KIRREL3: variants seen among roughly 807,000 people sequenced by gnomAD.
The protein encoded by KIRREL3 is kin of IRRE-like protein 3.
In KIRREL3, 36 loss-of-function variants were observed where a neutral mutation model predicts 89.7. That is an observed-to-expected ratio of 0.40 (90% CI 0.31 to 0.53). The LOEUF is 0.53. Ranked by LOEUF, KIRREL3 falls within the 20% of genes least tolerant of loss-of-function variation. The pLI is 0.49. For synonymous variants in KIRREL3, 445 were observed against 441.4 expected (o/e 1.01, Z -0.10); for missense variants, 864 against 1,056.6 (o/e 0.82, Z 2.53).
At chr11:126,875,557 C>A (rs1945254267) in intron 1 of KIRREL3, among the ~76,000 whole-genome samples, 1 of 152,166 alleles carries the variant, frequency 6.6e-6, no homozygotes, top group South Asian at 2.1e-4. Context: ...TAGAGGTGAG[C>A]AAGGCAGAGG....
In KIRREL3 at chr11:126,878,099, T is replaced by C. The variant is rs528170298; in HGVS notation, c.55+122356A>G. On this transcript the variant is annotated intron_variant, in intron 1 of 16. Transcript: ENST00000525144. ...TTTCATTCACAGAGAGATAGGCAGG[T>C]AGGTACGTTGATGGAAGACAGATAA... 3.9e-5 allele frequency among the ~76,000 whole-genome samples: 6 copies of C among 152,316 alleles called. No homozygotes were observed. In the South Asian group the frequency reaches 6.2e-4, roughly 16 times the overall value.
intron 1 of KIRREL3, among the ~76,000 whole-genome samples, chr11:126,670,708 C>T (rs1945900488): frequency 6.6e-6 from 1 of 152,120 alleles, no homozygotes; most frequent in Admixed American, 6.5e-5. Flanking sequence ...TTAGCTTTTA[C>T]TGAATGGAAT....
At chr11:126,809,703 G>C (rs1000172114) in intron 1 of KIRREL3, among the ~76,000 whole-genome samples, 3 of 152,194 alleles carry the variant, frequency 2.0e-5, no homozygotes, top group Non-Finnish European at 4.4e-5. Flanking sequence ...CAGTGCCTAA[G>C]GCCCCGCCCT....
rs1387682711 is a variant in KIRREL3, at chr11:126,647,783, C to T, written c.56-84871G>A. 6.6e-6 allele frequency among the ~76,000 whole-genome samples: 1 copy of T among 152,196 alleles called. No homozygotes were observed. The highest frequency in any genetic ancestry group is 2.4e-5 in the African/African-American group (1 of 41,460). On this transcript the variant is annotated intron_variant, in intron 1 of 16. Transcript: ENST00000525144. The surrounding 1 kb of genome is among the most constrained non-coding windows in gnomAD (Gnocchi z 4.9). ...GCAGTCTGAGTAGTGCTTTTAAAAA[C>T]CTAAGTCAGAGGGAGCCGTTCCTTT...
In KIRREL3 at chr11:126,521,313, A is replaced by C. The variant is rs1958579019; in HGVS notation, c.433+2T>G. On this transcript the variant is annotated splice_donor_variant, in intron 4 of 16. Coordinates refer to ENST00000525144, the MANE Select transcript of KIRREL3 (RefSeq NM_032531.4). LOFTEE classifies it high-confidence loss of function. The surrounding 1 kb of genome is among the most constrained non-coding windows in gnomAD (Gnocchi z 4.1). ...CCAGCCCCGTGTGCAGATGGTTCTTACCCAGGACTGTGAGGCGTGCGGGGC... is the reference window on the plus strand; with the variant it reads ...CCAGCCCCGTGTGCAGATGGTTCTTCCCCAGGACTGTGAGGCGTGCGGGGC... 1 of 1,541,884 alleles carries C rather than the reference A, an allele frequency of 6.5e-7. No homozygotes were observed.
intron 1 of KIRREL3, among the ~76,000 whole-genome samples, chr11:126,992,920 A>G (rs760337191): frequency 1.3e-5 from 2 of 151,976 alleles, no homozygotes; most frequent in Non-Finnish European, 2.9e-5. Context: ...TCTCTTCCAC[A>G]TTCTTTAGCT....
chr11:126,457,498 CGTGT>C (rs1034066170), intron 6 of KIRREL3, among the ~76,000 whole-genome samples: 1 of 142,114 alleles, frequency 7.0e-6, no homozygotes, highest in Non-Finnish European at 1.5e-5. Flanking sequence ...TGTATGTATG[CGTGT>C]GTGTATGTGT....
rs1474447039 is a variant in KIRREL3 at position 126,796,441 on chromosome 11, A to C, written c.55+204014T>G. On this transcript the variant is annotated intron_variant, in intron 1 of 16. Coordinates refer to ENST00000525144, the MANE Select transcript of KIRREL3 (RefSeq NM_032531.4). The surrounding 1 kb of genome is among the most constrained non-coding windows in gnomAD (Gnocchi z 5.1). Reference sequence around the variant, plus strand: ...AGGAAGGCTGAAGGAGGGGACGCGCAGTTGTGGGTAACTGGCCTTCACCTT... The same window carrying C: ...AGGAAGGCTGAAGGAGGGGACGCGCCGTTGTGGGTAACTGGCCTTCACCTT... Among the ~76,000 whole-genome samples the C allele has an allele frequency of 6.6e-6, 1 of 152,142 alleles. No homozygotes were observed. The highest frequency in any genetic ancestry group is 1.5e-5 in the Non-Finnish European group (1 of 68,034).
chr11:126,790,114 T>C lies in KIRREL3; in HGVS notation c.55+210341A>G, dbSNP rs542423541. 1.2e-4 allele frequency among the ~76,000 whole-genome samples: 18 copies of C among 152,336 alleles called. No individual in the cohort carries two copies. In the South Asian group the frequency reaches 3.5e-3, roughly 30 times the overall value. ...GCTCAAGCAGGAAACCTGAGTGTCA[T>C]CCCTAACTCCCCTTACCCACTCTAT... On this transcript the variant is annotated intron_variant, in intron 1 of 16. Transcript: ENST00000525144.
At position 126,919,582 on chromosome 11, in the gene KIRREL3, C is replaced by A. The variant is rs142248239; in HGVS notation, c.55+80873G>T. Among the ~76,000 whole-genome samples, 1,089 of 152,304 alleles carry A rather than the reference C, an allele frequency of 7.2e-3. 19 individuals are homozygous for A. Among genetic ancestry groups the A allele is most frequent in the African/African-American group, 0.024 (1,012 of 41,554 alleles). On this transcript the variant is annotated intron_variant, in intron 1 of 16. Coordinates refer to ENST00000525144, the MANE Select transcript of KIRREL3 (RefSeq NM_032531.4). ...TCTCTGGCTGGAGTAGATAACAGAG[C>A]TGGGGTTGGGCTATTCTGGTTGCTT...
At chr11:126,634,471 T>A (rs2134899090) in intron 1 of KIRREL3, among the ~76,000 whole-genome samples, 1 of 152,320 alleles carries the variant, frequency 6.6e-6, no homozygotes, top group East Asian at 1.9e-4. Flanking sequence ...CCTGGGACCC[T>A]TCTGGACCTG....
chr11:126,634,236 C>T (rs1439084622), intron 1 of KIRREL3, among the ~76,000 whole-genome samples: 1 of 152,188 alleles, frequency 6.6e-6, no homozygotes, highest in Non-Finnish European at 1.5e-5. Context: ...CTCTACTTTC[C>T]CTGAACAGTG....
intron 1 of KIRREL3, among the ~76,000 whole-genome samples, chr11:126,751,947 C>T (rs959948173): frequency 1.3e-5 from 2 of 152,178 alleles, no homozygotes; most frequent in African/African-American, 4.8e-5. Context: ...AAGCGATCCT[C>T]CCATCTTGAC....
At chr11:126,921,886 C>T (rs1425969662) in intron 1 of KIRREL3, among the ~76,000 whole-genome samples, 1 of 151,544 alleles carries the variant, frequency 6.6e-6, no homozygotes, top group African/African-American at 2.4e-5. Context: ...TATCTATCAT[C>T]TATCTCCCTA....
At position 126,433,684 on chromosome 11, in the gene KIRREL3, C is replaced by T. The variant is rs559968422; in HGVS notation, c.1588+1584G>A. Among the ~76,000 whole-genome samples, 12 of 152,326 alleles carry T rather than the reference C, an allele frequency of 7.9e-5. 1 individual carries two copies. The South Asian group carries it at 2.3e-3, about 29-fold the overall frequency. ...GCTTGCCTTGACCAATAGACGACAA[C>T]GTCTCTAGGTTTAGTTCCATGAAGA... On this transcript the variant is annotated intron_variant, in intron 13 of 16. Transcript: ENST00000525144.
chr11:126,757,072 G>A (rs1047540599), intron 1 of KIRREL3, among the ~76,000 whole-genome samples: 4 of 152,150 alleles, frequency 2.6e-5, no homozygotes, highest in Non-Finnish European at 5.9e-5. Flanking sequence ...GCATTTCTGA[G>A]CATTGGCAAT....
rs1214725087 is a variant in KIRREL3, at chr11:126,773,653, G to A, written c.56-210741C>T. Among the ~76,000 whole-genome samples, 1 of 152,176 alleles carries A rather than the reference G, an allele frequency of 6.6e-6. No individual in the cohort carries two copies. The highest frequency in any genetic ancestry group is 1.9e-4 in the East Asian group (1 of 5,196). ...AGGGAGCACACTAGCTTCTGCCATA[G>A]GAAGAACATCAAGCTGTATGTATGT... On this transcript the variant is annotated intron_variant, in intron 1 of 16. Coordinates refer to ENST00000525144, the MANE Select transcript of KIRREL3 (RefSeq NM_032531.4). This position sits in a 1 kb window ranked among gnomAD's most constrained non-coding sequence, Gnocchi z 4.2.
intron 11 of KIRREL3, among the ~76,000 whole-genome samples, chr11:126,437,452 C>A (rs769667840): frequency 2.6e-5 from 4 of 152,178 alleles, no homozygotes; most frequent in Non-Finnish European, 5.9e-5. Context: ...CAGGTTTGTA[C>A]ACACACACCA....
chr11:126,856,684 C>T (rs890998509), intron 1 of KIRREL3, among the ~76,000 whole-genome samples: 13 of 151,230 alleles, frequency 8.6e-5, no homozygotes, highest in African/African-American at 2.9e-4. Flanking sequence ...GGCGCCATCT[C>T]GGCTCACTGC....
Sources: gnomAD v4.1 joint callset for allele counts (sites outside exome capture counted in the v4.1 genomes callset) on GRCh38, gnomAD v4.1.1 for gene constraint, Gnocchi (gnomAD v3.1) non-coding constraint, MANE v1.5 for transcripts, NCBI Gene and HGNC (gene_info 2026-07-23, HGNC 2026-07-21) for gene names.